The following NAPSA variants were observed in gnomAD, a reference collection of about 807,000 sequenced individuals.
NAPSA encodes napsin-A.
In NAPSA, 37 loss-of-function variants were observed where a neutral mutation model predicts 36.7. That is an observed-to-expected ratio of 1.01 (90% CI 0.78 to 1.33). NAPSA has a LOEUF of 1.33. Among genes scored for constraint, NAPSA ranks in the 40% most tolerant of loss-of-function variants. The pLI is 0.00. For missense variants in NAPSA, 532 were observed against 543.8 expected (o/e 0.98, Z 0.21); for synonymous variants, 222 against 234.5 (o/e 0.95, Z 0.49).
At position 50,361,700 on chromosome 19, in the gene NAPSA, C is replaced by T; in HGVS notation, c.431G>A (p.Gly144Glu). 6.2e-7 allele frequency: 1 copy of T among 1,614,066 alleles called. No homozygotes were observed. Reference protein sequence around the residue: ...GTKFAIQYGTGRVDGILSEDK... With the variant: ...GTKFAIQYGTERVDGILSEDK... ...CTCGCTCAGGATTCCATCTACCCGC[C>T]CAGTTCCATATTGAATGGCAAACTT... is the stretch of plus-strand genomic sequence containing the variant. The change falls in exon 4 of 9, where the codon GGG (glycine) becomes GAG (glutamate). Residue 144 changes from glycine (G) to glutamate (E), a missense_variant. This residue lies in a region of NAPSA where 385 missense variants were observed against 371.5 expected (regional missense o/e 1.04). Coordinates refer to ENST00000253719, the MANE Select transcript of NAPSA (RefSeq NM_004851.3).
At chr19:50,365,725 G>T, upstream of NAPSA, 1 of 945,472 alleles carries the variant, frequency 1.1e-6, no homozygotes. Flanking sequence ...AAGGAGACCA[G>T]GACATGAAAT....
chr19:50,367,636 A>C (rs548239033), upstream of NAPSA, among the ~76,000 whole-genome samples: 1 of 151,886 alleles, frequency 6.6e-6, no homozygotes, highest in South Asian at 2.1e-4. Flanking sequence ...GGGGTGACAC[A>C]AACACCCCAT....
rs760564690 is a variant in NAPSA, at chr19:50,362,300, G to A, written c.97C>T (p.Arg33Ter). 9 of 1,605,514 alleles carry A rather than the reference G, an allele frequency of 5.6e-6. No homozygotes were observed. The highest frequency in any genetic ancestry group is 3.3e-5 in the South Asian group (3 of 90,128). ...AGGATCCTGCGTCCAGGTTGGACTC[G>A]ATGAAGAGGGATGCTGTAGGGAAAG... Reference protein sequence around the residue: ...GATLIRIPLHRVQPGRRILNL... With the variant: ...GATLIRIPLH The change falls in exon 2 of 9, where the codon CGA (arginine) becomes TGA (stop). Residue 33 changes from arginine (R) to a stop codon, truncating the protein, a stop_gained. Transcript: ENST00000253719. LOFTEE classifies it high-confidence loss of function.
At chr19:50,365,316 A>ACTGTT (rs1555784637) in intron 1 of NAPSA, among the ~76,000 whole-genome samples, 1 of 152,194 alleles carries the variant, frequency 6.6e-6, no homozygotes, top group Non-Finnish European at 1.5e-5. Context: ...CCTGGGCAAC[A>ACTGTT]GAGTGAGACT....
chr19:50,363,621 A>G (rs55798534), intron 1 of NAPSA, among the ~76,000 whole-genome samples: 1,630 of 151,922 alleles, frequency 0.011, 31 homozygotes, highest in African/African-American at 0.034. Flanking sequence ...GGAGTGCAGT[A>G]GCAGGATCAT....
chr19:50,359,668 C>T, intron 6 of NAPSA, 21 bp from the exon 7 acceptor site: 2 of 1,614,214 alleles, frequency 1.2e-6, no homozygotes, highest in Non-Finnish European at 1.7e-6. Flanking sequence ...AGGAGGCAGT[C>T]ATCAGAGGCA....
chr19:50,364,614 C>CAAA (rs34476647), intron 1 of NAPSA, among the ~76,000 whole-genome samples: 4 of 39,026 alleles, frequency 1.0e-4, no homozygotes, highest in Non-Finnish European at 1.6e-4. Context: ...GACTCAGTCT[C>CAAA]AAAAAAAAAA....
At chr19:50,367,574 C>CTCTCTCTG (rs2037565125), upstream of NAPSA, among the ~76,000 whole-genome samples, 1 of 151,460 alleles carries the variant, frequency 6.6e-6, no homozygotes, top group Admixed American at 6.6e-5. Flanking sequence ...CTCTCTCTCT[C>CTCTCTCTG]TCTCTCTGTC....
intron 5 of NAPSA, 92 bp from the exon 6 acceptor site, chr19:50,359,954 T>G: frequency 6.6e-7 from 1 of 1,522,734 alleles, no homozygotes; most frequent in Non-Finnish European, 8.9e-7. Context: ...TCCCACCAAC[T>G]GGGTTGTTTC....
At chr19:50,360,835 T>A in intron 5 of NAPSA, 106 bp downstream of exon 5, 2 of 1,124,704 alleles carry the variant, frequency 1.8e-6, no homozygotes, top group Non-Finnish European at 2.5e-6. Context: ...TGTAAGTGGG[T>A]GACTCTGAGA....
chr19:50,368,712 TGA>T (rs1293242482), upstream of NAPSA, among the ~76,000 whole-genome samples: 1 of 152,058 alleles, frequency 6.6e-6, no homozygotes, highest in Non-Finnish European at 1.5e-5. Flanking sequence ...TTAAGTAGTT[TGA>T]GAGGCCGTGC....
At chr19:50,362,129 C>G in intron 2 of NAPSA, 37 bp from the exon 3 acceptor site, 1 of 1,613,164 alleles carries the variant, frequency 6.2e-7, no homozygotes, top group Non-Finnish European at 8.5e-7. Context: ...AAGAGTTTGG[C>G]TCAAGGGCGC....
chr19:50,361,618 G>A (rs1276384337), intron 4 of NAPSA, 45 bp downstream of exon 4: 2 of 1,499,338 alleles, frequency 1.3e-6, no homozygotes, highest in Non-Finnish European at 1.9e-6. Flanking sequence ...TTAGACAATG[G>A]GGTTCTCCCA....
Position 50,358,579 on chromosome 19 carries a change from T to C in NAPSA, c.1237A>G (p.Thr413Ala). 6.2e-7 allele frequency: 1 copy of C among 1,608,346 alleles called. No individual in the cohort carries two copies. The highest frequency in any genetic ancestry group is 2.2e-5 in the East Asian group (1 of 44,664). Residue 413 changes from threonine to alanine, a missense_variant, in exon 9 of 9, where the codon ACT becomes GCT. Physicochemically the swap from Thr to Ala is moderately conservative, Grantham distance 58. Coordinates refer to ENST00000253719, the MANE Select transcript of NAPSA (RefSeq NM_004851.3). ...TRGADLGWGE[T>A]AQAQFPG is the part of the protein sequence containing the mutation. ...CACCCGGGGAACTGCGCCTGCGCAG[T>C]CTCTCCCCATCCGAGGTCCGCTCCG... is the stretch of plus-strand genomic sequence containing the variant.
chr19:50,367,660 G>T (rs1488366635), upstream of NAPSA, among the ~76,000 whole-genome samples: 1 of 151,950 alleles, frequency 6.6e-6, no homozygotes, highest in Non-Finnish European at 1.5e-5. Flanking sequence ...TACTATCACT[G>T]GGATTGCGCT....
Position 50,361,174 on chromosome 19 carries a change from T to C in NAPSA, c.469-34A>G, listed in dbSNP as rs947143957. 6 of 1,583,272 alleles carry C rather than the reference T, an allele frequency of 3.8e-6. No individual in the cohort carries two copies. In the African/African-American group the frequency reaches 6.7e-5, roughly 18 times the overall value. On this transcript the variant is annotated intron_variant, in intron 4 of 8. Transcript: ENST00000253719. Reference sequence around the variant, plus strand: ...AGATTGAGATGTGACCAGTTACTTTTGGGAGGACAATAACCACATGTCCTG... The same window carrying C: ...AGATTGAGATGTGACCAGTTACTTTCGGGAGGACAATAACCACATGTCCTG...
At chr19:50,360,853 T>C in intron 5 of NAPSA, 88 bp downstream of exon 5, 1 of 1,291,594 alleles carries the variant, frequency 7.7e-7, no homozygotes, top group East Asian at 2.5e-5. Context: ...AGAATGAGAA[T>C]TCCTGCATTG....
In NAPSA at chr19:50,359,803, T is replaced by C. The variant is rs371222764; in HGVS notation, c.728A>G (p.Tyr243Cys). 6.6e-5 allele frequency: 106 copies of C among 1,614,046 alleles called. No individual in the cohort carries two copies. Among genetic ancestry groups the C allele is most frequent in the Non-Finnish European group, 8.6e-5 (101 of 1,180,036 alleles). Reference protein sequence around the residue: ...LVLGGSDPAHYIPPLTFVPVT... With the variant: ...LVLGGSDPAHCIPPLTFVPVT... ...TGGCACGAAGGTGAGGGGTGGGATG[T>C]AGTGTGCCGGGTCCGAGCCCCCCAG... Residue 243 changes from tyrosine (Y) to cysteine (C), a missense_variant, in exon 6 of 9, where the codon TAC (tyrosine) becomes TGC (cysteine). Around this residue, in one of 3 missense-constraint regions of NAPSA, gnomAD observed 385 missense variants for 371.5 expected, o/e 1.04. Coordinates refer to ENST00000253719, the MANE Select transcript of NAPSA (RefSeq NM_004851.3).
upstream of NAPSA, among the ~76,000 whole-genome samples, chr19:50,366,852 A>G (rs1249470693): frequency 3.9e-5 from 5 of 127,780 alleles, no homozygotes; most frequent in Admixed American, 8.0e-5. Context: ...TTTTTTTTTG[A>G]GATGGAGTTT....
Sources: allele counts gnomAD v4.1 joint callset (sites outside exome capture counted in the v4.1 genomes callset), GRCh38; gene constraint gnomAD v4.1.1; regional missense constraint gnomAD v4.1.1; transcripts MANE v1.5; gene names NCBI Gene and HGNC (gene_info 2026-07-23, HGNC 2026-07-21).